The following UTRN variants were observed in gnomAD, a reference collection of about 807,000 sequenced individuals.
The protein encoded by UTRN is utrophin, also known as dystrophin-related protein 1.
In UTRN, 283 loss-of-function variants were observed where a neutral mutation model predicts 463.9. That is an observed-to-expected ratio of 0.61 (90% CI 0.55 to 0.67). The LOEUF (loss-of-function observed/expected upper bound fraction) is 0.67. Ranked by LOEUF, UTRN falls within the 30% of genes least tolerant of loss-of-function variation. The pLI, the probability that UTRN is intolerant of heterozygous loss-of-function variation, is 0.00. For synonymous variants in UTRN, 1,442 were observed against 1,431.5 expected (o/e 1.01, Z -0.17); for missense variants, 3,922 against 4,084.3 (o/e 0.96, Z 1.08).
intron 52 of UTRN, among the ~76,000 whole-genome samples, chr6:144,681,778 A>G (rs538142014): frequency 2.0e-5 from 3 of 152,308 alleles, no homozygotes; most frequent in South Asian, 4.1e-4. Context: ...CTGTATCTAT[A>G]TTAACCTGTC....
chr6:144,694,281 C>T (rs573025788), intron 52 of UTRN, among the ~76,000 whole-genome samples: 4 of 140,166 alleles, frequency 2.9e-5, no homozygotes, highest in Admixed American at 2.1e-4. Context: ...CTGCTGGATT[C>T]GGTTTGCCAG....
chr6:144,607,757 A>C (rs1001681333), intron 51 of UTRN, among the ~76,000 whole-genome samples: 1 of 152,236 alleles, frequency 6.6e-6, no homozygotes, highest in African/African-American at 2.4e-5. Flanking sequence ...TCTTGTCCAA[A>C]GACTGTTGTG....
At chr6:144,356,568 T>G (rs1231535971) in intron 2 of UTRN, among the ~76,000 whole-genome samples, 1 of 152,214 alleles carries the variant, frequency 6.6e-6, no homozygotes, top group Non-Finnish European at 1.5e-5. Flanking sequence ...GCCCCAGCAC[T>G]TTGGGACGTT....
intron 52 of UTRN, among the ~76,000 whole-genome samples, chr6:144,683,498 C>T (rs543707164): frequency 1.3e-5 from 2 of 152,290 alleles, no homozygotes; most frequent in African/African-American, 4.8e-5. Context: ...TCATTGCCTA[C>T]TGAAAGTGAT....
chr6:144,717,044 T>C (rs1786541638), intron 53 of UTRN, among the ~76,000 whole-genome samples: 1 of 152,246 alleles, frequency 6.6e-6, no homozygotes, highest in African/African-American at 2.4e-5. Flanking sequence ...AATATGACCA[T>C]AGTAATGACT....
rs940447605 is a variant in UTRN at position 144,631,227 on chromosome 6, G to A, written c.7480-47179G>A. Among the ~76,000 whole-genome samples, 4 of 124,900 alleles carry A rather than the reference G, an allele frequency of 3.2e-5. 1 individual carries two copies. The South Asian group carries it at 1.0e-3, about 33-fold the overall frequency. 81.9% of individuals were successfully genotyped at this position (124,900 alleles called of 152,430 possible). A position where few individuals can be genotyped will look rare whatever the true frequency, so the allele number is the denominator to read the frequency against. ...AAAGAGAGAGTGAGTGTGTGTGTGT[G>A]AGAGAGAGAGGTGTGTGTGTGTGTG... On this transcript the variant is annotated intron_variant, in intron 51 of 74. Transcript: ENST00000367545.
At chr6:144,795,145 G>A (rs577195941) in intron 63 of UTRN, among the ~76,000 whole-genome samples, 1 of 152,104 alleles carries the variant, frequency 6.6e-6, no homozygotes, top group Non-Finnish European at 1.5e-5. Context: ...TCTTGTGTTA[G>A]TTTGCTGAGA....
chr6:144,774,839 G>A (rs1775176220), intron 60 of UTRN, among the ~76,000 whole-genome samples: 2 of 152,168 alleles, frequency 1.3e-5, no homozygotes, highest in Non-Finnish European at 2.9e-5. Flanking sequence ...TATATCTTGA[G>A]ACATTTAGTA....
At chr6:144,370,964 TC>T (rs1779931010) in intron 2 of UTRN, among the ~76,000 whole-genome samples, 1 of 152,184 alleles carries the variant, frequency 6.6e-6, no homozygotes, top group Non-Finnish European at 1.5e-5. Flanking sequence ...CTCCCTGAGC[TC>T]ACCTTAAGAC....
Position 144,435,964 on chromosome 6 carries a change from TC to T in UTRN, c.889del (p.Arg297GlufsTer26). On this transcript the variant is annotated frameshift_variant, in exon 10 of 75. Transcript: ENST00000367545. LOFTEE classifies it high-confidence loss of function. ...STAPEEEHESPRAETPSTVTE... is the reference protein window; with the variant it reads ...STAPEEEHESXRAETPSTVTE... ...CAGCGCCTGAGGAGGAGCATGAGAGTCCCCGAGCTGAAACTCCCAGCACTGT... is the reference window on the plus strand; with the variant it reads ...CAGCGCCTGAGGAGGAGCATGAGAGTCCCGAGCTGAAACTCCCAGCACTGT... 6.2e-7 allele frequency: 1 copy of T among 1,613,952 alleles called. No homozygotes were observed. The highest frequency in any genetic ancestry group is 1.1e-5 in the South Asian group (1 of 91,060).
rs376855890 is a variant in UTRN at position 144,530,842 on chromosome 6, G to C, written c.5907-210G>C. Among the ~76,000 whole-genome samples, 17 of 152,118 alleles carry C rather than the reference G, an allele frequency of 1.1e-4. No homozygotes were observed. In the South Asian group the frequency reaches 1.2e-3, roughly 11 times the overall value. ...TGGTAGCTGGTGGTGTGAGCAGATT[G>C]CTTTGCCCTTGTTATGATGCATATA... On this transcript the variant is annotated intron_variant, in intron 41 of 74. Transcript: ENST00000367545.
At chr6:144,742,103 A>AG (rs1226288335) in intron 54 of UTRN, among the ~76,000 whole-genome samples, 5 of 152,188 alleles carry the variant, frequency 3.3e-5, no homozygotes, top group African/African-American at 4.8e-5. Flanking sequence ...AGAAAAAAAA[A>AG]GAATTTGAGA....
chr6:144,706,272 A>G (rs1488809587), intron 53 of UTRN, among the ~76,000 whole-genome samples: 1 of 150,248 alleles, frequency 6.7e-6, no homozygotes, highest in East Asian at 2.0e-4. Flanking sequence ...CTCTGCTGTC[A>G]TATTCCATTG....
chr6:144,827,246 C>A, intron 66 of UTRN, 102 bp from the exon 67 acceptor site: 2 of 1,371,454 alleles, frequency 1.5e-6, no homozygotes, highest in Non-Finnish European at 1.0e-6. Flanking sequence ...CATATATGAG[C>A]GGAAGATAAT....
At chr6:144,693,514 T>C (rs1783651538) in intron 52 of UTRN, among the ~76,000 whole-genome samples, 1 of 152,242 alleles carries the variant, frequency 6.6e-6, no homozygotes, top group Non-Finnish European at 1.5e-5. Context: ...TGATCCCTCC[T>C]ATCCACGAGC....
At chr6:144,637,185 C>T (rs1252609993) in intron 51 of UTRN, among the ~76,000 whole-genome samples, 3 of 152,030 alleles carry the variant, frequency 2.0e-5, no homozygotes, top group Non-Finnish European at 4.4e-5. Flanking sequence ...GCCCAGGCTG[C>T]TCCCAAACTC....
chr6:144,704,475 T>C (rs9376844), intron 53 of UTRN, among the ~76,000 whole-genome samples: 15,055 of 152,266 alleles, frequency 0.099, 1,277 homozygotes, highest in East Asian at 0.48. Context: ...CTCTAGAACA[T>C]GACACAGTAC....
chr6:144,699,396 C>T (rs147981617), intron 52 of UTRN, among the ~76,000 whole-genome samples: 15 of 148,524 alleles, frequency 1.0e-4, no homozygotes, highest in Admixed American at 3.4e-4. Flanking sequence ...GCCGAGATTG[C>T]GCCACTGCAC....
rs767579352 is a variant in UTRN at position 144,827,612 on chromosome 6, C to G, written c.9535C>G (p.Pro3179Ala). The G allele has an allele frequency of 6.2e-7, 1 of 1,613,036 alleles. No homozygotes were observed. The highest frequency in any genetic ancestry group is 1.1e-5 in the South Asian group (1 of 90,990). The change falls in exon 68 of 75, where the codon CCC (proline) becomes GCC (alanine). Residue 3179 changes from proline to alanine, a missense_variant and splice_region_variant. Physicochemically the swap from Pro to Ala is conservative, Grantham distance 27. Around this residue, in one of 3 missense-constraint regions of UTRN, gnomAD observed 1,309 missense variants for 1,452.6 expected, o/e 0.90. Transcript: ENST00000367545. The part of the protein sequence containing the change: ...LISMWPEHYD[P>A]SQSPQLFHDD... The stretch of plus-strand genomic sequence containing the variant: ...TTGCTTTGTTTTTTTCTTTTAAAGC[C>G]CCTCACAATCTCCTCAACTGTTTCA...
Sources: allele counts gnomAD v4.1 joint callset (sites outside exome capture counted in the v4.1 genomes callset), GRCh38; gene constraint gnomAD v4.1.1; regional missense constraint gnomAD v4.1.1; transcripts MANE v1.5; gene names NCBI Gene and HGNC (gene_info 2026-07-23, HGNC 2026-07-21).